The following RWDD3 variants were observed in gnomAD, a reference collection of about 807,000 sequenced individuals.
RWDD3 encodes RWD domain containing 3, also known as RWD domain-containing protein 3.
RWDD3 carries 30 observed loss-of-function variants against 26.5 expected under a neutral mutation model. The observed-to-expected ratio is 1.13, with a 90% CI of 0.85 to 1.54. The LOEUF (loss-of-function observed/expected upper bound fraction) is 1.54. Ranked by LOEUF, RWDD3 falls within the 40% of genes most tolerant of loss-of-function variation. The pLI, the probability that RWDD3 is intolerant of heterozygous loss-of-function variation, is 0.00. For missense variants in RWDD3, 296 were observed against 309.1 expected (o/e 0.96, Z 0.32); for synonymous variants, 113 against 114.5 (o/e 0.99, Z 0.09).
At chr1:95,234,419 C>A in intron 1 of RWDD3, 104 bp downstream of exon 1, 2 of 1,016,778 alleles carry the variant, frequency 2.0e-6, no homozygotes, top group Non-Finnish European at 3.0e-6. Flanking sequence ...CCTGGGCCCA[C>A]GTATGGGGAC....
At chr1:95,240,684 TG>T (rs1680578338) in intron 1 of RWDD3, among the ~76,000 whole-genome samples, 1 of 152,072 alleles carries the variant, frequency 6.6e-6, no homozygotes, top group South Asian at 2.1e-4. Context: ...CATTTCATTC[TG>T]GGAGAGTGGT....
At chr1:95,234,337 G>A in intron 1 of RWDD3, 22 bp downstream of exon 1, 1 of 1,571,552 alleles carries the variant, frequency 6.4e-7, no homozygotes, top group Non-Finnish European at 8.6e-7. Context: ...CGCGCGGGAG[G>A]GACAGGGCGC....
intron 1 of RWDD3, chr1:95,237,233 C>A (rs1030971249): frequency 4.4e-4 from 66 of 151,558 alleles, no homozygotes; most frequent in Admixed American, 1.3e-3. Flanking sequence ...CCACAGTAAA[C>A]ATGCAGCAGA....
At chr1:95,235,867 T>TAA (rs71097257) in intron 1 of RWDD3, among the ~76,000 whole-genome samples, 12 of 148,460 alleles carry the variant, frequency 8.1e-5, no homozygotes, top group Non-Finnish European at 1.2e-4. Context: ...TTCTATTGAA[T>TAA]AAAAAAAAAA....
rs1170800011 is a variant in RWDD3, at chr1:95,244,576, G to A, written c.451G>A (p.Ala151Thr). Residue 151 changes from alanine to threonine, a missense_variant, in exon 2 of 4, where the codon GCA becomes ACA. Ala to Thr is a moderately conservative substitution (Grantham distance 58). Coordinates refer to ENST00000370202, the MANE Select transcript of RWDD3 (RefSeq NM_015485.5). The part of the protein sequence containing the change: ...ITLLHLDHMR[A>T]KTKYVKIVEK... ...TCTTTTGCATTTAGATCACATGAGAGCAAAGACTAAATATGTCAAAATTGT... is the reference window on the plus strand; with the variant it reads ...TCTTTTGCATTTAGATCACATGAGAACAAAGACTAAATATGTCAAAATTGT... 3.7e-6 allele frequency: 6 copies of A among 1,614,156 alleles called. No individual in the cohort carries two copies. Among genetic ancestry groups the A allele is most frequent in the Admixed American group, 1.7e-5 (1 of 60,014 alleles).
chr1:95,239,234 A>G (rs547339), intron 1 of RWDD3, among the ~76,000 whole-genome samples: 7,490 of 152,304 alleles, frequency 0.049, 329 homozygotes, highest in East Asian at 0.22. Flanking sequence ...GATTTAGAGC[A>G]TAATTATTTT....
At chr1:95,241,581 A>G (rs547583221) in intron 1 of RWDD3, among the ~76,000 whole-genome samples, 1 of 152,328 alleles carries the variant, frequency 6.6e-6, no homozygotes, top group South Asian at 2.1e-4. Flanking sequence ...GCTGTCGGTT[A>G]TGCAAAAGTC....
intron 1 of RWDD3, among the ~76,000 whole-genome samples, chr1:95,238,724 C>CT (rs1264839618): frequency 3.3e-5 from 5 of 151,750 alleles, no homozygotes; most frequent in African/African-American, 4.8e-5. Context: ...TAAATTTTAC[C>CT]TTTTTTTAAA....
chr1:95,235,693 C>T (rs1250504573), intron 1 of RWDD3, among the ~76,000 whole-genome samples: 1 of 151,924 alleles, frequency 6.6e-6, no homozygotes, highest in Non-Finnish European at 1.5e-5. Context: ...CTCTTGAGGG[C>T]TTTATTAGTC....
chr1:95,242,057 C>G (rs1011710254), intron 1 of RWDD3, among the ~76,000 whole-genome samples: 3 of 152,186 alleles, frequency 2.0e-5, no homozygotes, highest in African/African-American at 7.2e-5. Context: ...CACCACCACC[C>G]CCCAGCCTTC....
rs370102903 is a variant in RWDD3 at position 95,240,573 on chromosome 1, T to C, written c.86-3638T>C. 2.1e-4 allele frequency among the ~76,000 whole-genome samples: 32 copies of C among 152,152 alleles called. No homozygotes were observed. The East Asian group carries it at 6.0e-3, about 29-fold the overall frequency. On this transcript the variant is annotated intron_variant, in intron 1 of 3. Transcript: ENST00000370202. ...GAGGCAGAGATGGGACACCCAAGAC[T>C]GAGGACATGGTATAAAATGGGTAGT...
In RWDD3 at chr1:95,246,834, GC is replaced by G. The variant is rs1191997414; in HGVS notation, c.769del (p.Leu257PhefsTer10). Reference sequence around the variant, plus strand: ...AATTTGAAACTGCAGGACTTAAGAAGCTTTTCTCCGAATTTGTACTTGCTCT... The same window carrying G: ...AATTTGAAACTGCAGGACTTAAGAAGTTTTCTCCGAATTTGTACTTGCTCT... ...KEFETAGLKK[L>X]FSEFVLALVK On this transcript the variant is annotated frameshift_variant, in exon 4 of 4. Coordinates refer to ENST00000370202, the MANE Select transcript of RWDD3 (RefSeq NM_015485.5). LOFTEE classifies it high-confidence loss of function. 6.4e-7 allele frequency: 1 copy of G among 1,554,858 alleles called. No individual in the cohort carries two copies. Among genetic ancestry groups the G allele is most frequent in the Non-Finnish European group, 8.7e-7 (1 of 1,154,940 alleles).
At chr1:95,244,166 A>G (rs776896069) in intron 1 of RWDD3, 45 bp from the exon 2 acceptor site, 10 of 1,566,810 alleles carry the variant, frequency 6.4e-6, no homozygotes, top group Non-Finnish European at 4.3e-6. Context: ...GTTCCATTCA[A>G]ATTGAATAAT....
intron 1 of RWDD3, among the ~76,000 whole-genome samples, chr1:95,235,172 G>A (rs1271425798): frequency 6.7e-6 from 1 of 149,996 alleles, no homozygotes; most frequent in Admixed American, 6.7e-5. Context: ...TCAGCCTCCC[G>A]AGTAGCTGGG....
rs774352189 is a variant in RWDD3, at chr1:95,244,226, T to C, written c.101T>C (p.Val34Ala). ...TGCCTTCCAGAGACAGATGGGACCGTGTTCAGAATTCACACAAAAGCTGAA... is the reference window on the plus strand; with the variant it reads ...TGCCTTCCAGAGACAGATGGGACCGCGTTCAGAATTCACACAAAAGCTGAA... ...VLSRSETDGT[V>A]FRIHTKAEGF... The change falls in exon 2 of 4, where the codon GTG (valine) becomes GCG (alanine). Residue 34 changes from valine (V) to alanine (A), a missense_variant. Coordinates refer to ENST00000370202, the MANE Select transcript of RWDD3 (RefSeq NM_015485.5). The C allele has an allele frequency of 6.8e-6, 11 of 1,613,840 alleles. No homozygotes were observed. In the South Asian group the frequency reaches 9.9e-5, roughly 14 times the overall value.
At chr1:95,235,715 A>G (rs1324368816) in intron 1 of RWDD3, among the ~76,000 whole-genome samples, 4 of 152,006 alleles carry the variant, frequency 2.6e-5, no homozygotes, top group Admixed American at 1.3e-4. Context: ...TTTAGCCCAC[A>G]TTTATTGAAT....
Position 95,234,215 on chromosome 1 carries a change from G to C in RWDD3, c.-16G>C. ...GCAGCGGAAGGGGAAGCGCTGAGGC[G>C]GTGGGGCCCACAGCCATGGCGGAGC... is the stretch of plus-strand genomic sequence containing the variant. On this transcript the variant is annotated 5_prime_UTR_variant, in exon 1 of 4. Transcript: ENST00000370202. 6.4e-7 allele frequency: 1 copy of C among 1,574,056 alleles called. No individual in the cohort carries two copies.
chr1:95,236,196 C>T (rs1233293953), intron 1 of RWDD3, among the ~76,000 whole-genome samples: 1 of 152,070 alleles, frequency 6.6e-6, no homozygotes, highest in Non-Finnish European at 1.5e-5. Flanking sequence ...CATGGTGGCA[C>T]ACGCCTGTGA....
At chr1:95,241,086 T>C (rs186152056) in intron 1 of RWDD3, among the ~76,000 whole-genome samples, 27 of 150,898 alleles carry the variant, frequency 1.8e-4, no homozygotes, top group African/African-American at 5.8e-4. Flanking sequence ...ACAAGACCAG[T>C]GATAGAGTTT....
Sources: allele counts gnomAD v4.1 joint callset (sites outside exome capture counted in the v4.1 genomes callset), GRCh38; gene constraint gnomAD v4.1.1; transcripts MANE v1.5; gene names NCBI Gene and HGNC (gene_info 2026-07-23, HGNC 2026-07-21).